AUTS2: variants seen among roughly 807,000 people sequenced by gnomAD.
AUTS2 encodes activator of transcription and developmental regulator AUTS2, also known as autism susceptibility gene 2 protein.
AUTS2 carries 17 observed loss-of-function variants against 112.4 expected under a neutral mutation model. The observed-to-expected ratio is 0.15, with a 90% CI of 0.10 to 0.23. AUTS2 has a LOEUF of 0.23. AUTS2 is among the 10% of genes least tolerant of loss of function. The pLI, the probability that AUTS2 is intolerant of heterozygous loss-of-function variation, is 1.00. For missense variants in AUTS2, 1,510 were observed against 1,701.6 expected, an observed-to-expected ratio of 0.89 and a Z score of 1.98; for synonymous variants, 751 against 702.7, an observed-to-expected ratio of 1.07 and a Z score of -1.09.
chr7:70,402,567 G>A (rs1284359091), intron 4 of AUTS2, among the ~76,000 whole-genome samples: 1 of 152,230 alleles, frequency 6.6e-6, no homozygotes, highest in Non-Finnish European at 1.5e-5. Context: ...TAGTTGGGCA[G>A]GAGACTCAAC....
chr7:70,305,939 T>A (rs1378892264), intron 4 of AUTS2, among the ~76,000 whole-genome samples: 2 of 151,694 alleles, frequency 1.3e-5, no homozygotes, highest in Non-Finnish European at 2.9e-5. Flanking sequence ...AATGAAGGAT[T>A]CAGGAAAGAA....
chr7:69,843,151 A>AGCATTT (rs1792053487), intron 1 of AUTS2, among the ~76,000 whole-genome samples: 2 of 152,176 alleles, frequency 1.3e-5, no homozygotes, highest in African/African-American at 4.8e-5. Context: ...TACCTGAAAG[A>AGCATTT]GAGGTATTCA....
At chr7:69,685,861 C>A (rs916458851) in intron 1 of AUTS2, among the ~76,000 whole-genome samples, 1 of 151,876 alleles carries the variant, frequency 6.6e-6, no homozygotes, top group Non-Finnish European at 1.5e-5. Context: ...TGCCTTTTTA[C>A]TCTGTTGTAG....
chr7:70,038,859 A>G (rs1801124874), intron 2 of AUTS2, among the ~76,000 whole-genome samples: 1 of 152,060 alleles, frequency 6.6e-6, no homozygotes, highest in South Asian at 2.1e-4. Flanking sequence ...CCCGGGTTCA[A>G]ACAATTCTCC....
intron 5 of AUTS2, among the ~76,000 whole-genome samples, chr7:70,575,037 G>A (rs1020733752): frequency 2.0e-5 from 3 of 152,290 alleles, no homozygotes; most frequent in African/African-American, 7.2e-5. Context: ...GGAGTTGCTG[G>A]GTAATCGTTC....
intron 5 of AUTS2, among the ~76,000 whole-genome samples, chr7:70,503,326 A>G (rs759695240): frequency 2.6e-5 from 4 of 151,940 alleles, no homozygotes; most frequent in Non-Finnish European, 4.4e-5. Flanking sequence ...TACAAATTCT[A>G]AGTGTAGCAT....
intron 5 of AUTS2, among the ~76,000 whole-genome samples, chr7:70,584,031 A>G (rs1486978860): frequency 3.9e-5 from 6 of 152,150 alleles, no homozygotes; most frequent in Non-Finnish European, 8.8e-5. Flanking sequence ...ACAATGCTAT[A>G]TTTTTGCCGT....
At chr7:70,542,374 C>T (rs1563028431) in intron 5 of AUTS2, among the ~76,000 whole-genome samples, 1 of 152,210 alleles carries the variant, frequency 6.6e-6, no homozygotes, top group East Asian at 1.9e-4. Flanking sequence ...CTAGTCTAGA[C>T]ATCTTTCCTT....
intron 4 of AUTS2, among the ~76,000 whole-genome samples, chr7:70,392,636 A>T (rs1793914333): frequency 6.6e-6 from 1 of 152,206 alleles, no homozygotes; most frequent in Admixed American, 6.5e-5. Flanking sequence ...AATTCAAAGA[A>T]CATCTGCTGC....
chr7:70,675,104 C>G (rs577627125), intron 5 of AUTS2, among the ~76,000 whole-genome samples: 6 of 150,784 alleles, frequency 4.0e-5, no homozygotes, highest in South Asian at 4.2e-4. Flanking sequence ...CCTCCCCCCC[C>G]TCAACTCCCT....
In AUTS2 at chr7:70,118,245, T is replaced by TA. The variant is rs11418386; in HGVS notation, c.624+34dup. 0.18 allele frequency: 230,195 copies of TA among 1,299,656 alleles called. 6,928 individuals are homozygous for TA. The highest frequency in any genetic ancestry group is 0.3 in the African/African-American group (15,762 of 51,738). 80.5% of individuals were successfully genotyped at this position (1,299,656 alleles called of 1,614,324 possible). A position where few individuals can be genotyped will look rare whatever the true frequency, so the allele number is the denominator to read the frequency against. ...AAAGGCTCAGTGATGTAAGTTTAAG[T>TA]AAAAAAAAAAAAAAAAAAAAAATTA... On this transcript the variant is annotated intron_variant, in intron 3 of 18. Coordinates refer to ENST00000342771, the MANE Select transcript of AUTS2 (RefSeq NM_015570.4).
At chr7:70,099,902 A>G (rs1275804399) in intron 2 of AUTS2, among the ~76,000 whole-genome samples, 2 of 152,200 alleles carry the variant, frequency 1.3e-5, no homozygotes, top group African/African-American at 2.4e-5. Context: ...TTTTACATAT[A>G]TATCCATACC....
At chr7:69,835,707 G>A (rs911192043) in intron 1 of AUTS2, among the ~76,000 whole-genome samples, 7 of 152,182 alleles carry the variant, frequency 4.6e-5, no homozygotes, top group Non-Finnish European at 1.0e-4. Context: ...CTGATTTAGG[G>A]TGAAAGGCAC....
chr7:70,145,012 G>C (rs1807057449), intron 4 of AUTS2, among the ~76,000 whole-genome samples: 1 of 151,964 alleles, frequency 6.6e-6, no homozygotes, highest in South Asian at 2.1e-4. Flanking sequence ...TATTGTTGTT[G>C]CTTTTAGTTC....
At chr7:70,173,347 C>G in intron 4 of AUTS2, among the ~76,000 whole-genome samples, 1 of 146,504 alleles carries the variant, frequency 6.8e-6, no homozygotes, top group African/African-American at 2.5e-5. Context: ...GGCAACAGAG[C>G]GGGACCCCGT....
chr7:69,781,541 C>G (rs1789144534), intron 1 of AUTS2, among the ~76,000 whole-genome samples: 1 of 152,154 alleles, frequency 6.6e-6, no homozygotes, highest in African/African-American at 2.4e-5. Context: ...CTTCTTTGGC[C>G]CTGCCCTCAG....
At chr7:70,369,890 AT>A (rs1303326792) in intron 4 of AUTS2, among the ~76,000 whole-genome samples, 9 of 152,148 alleles carry the variant, frequency 5.9e-5, no homozygotes, top group African/African-American at 2.2e-4. Context: ...CTGCTTGCCC[AT>A]CCCCATTTTG....
chr7:69,972,576 A>G (rs774558044), intron 2 of AUTS2, among the ~76,000 whole-genome samples: 22 of 151,810 alleles, frequency 1.4e-4, no homozygotes, highest in Non-Finnish European at 2.4e-4. Context: ...TAAAAGCTTT[A>G]TATTTCATAT....
intron 4 of AUTS2, among the ~76,000 whole-genome samples, chr7:70,239,838 G>T (rs964839777): frequency 5.9e-5 from 9 of 152,160 alleles, no homozygotes; most frequent in African/African-American, 2.2e-4. Context: ...CCTACTCTCT[G>T]TAAGGCAATG....
Sources: allele counts gnomAD v4.1 joint callset (sites outside exome capture counted in the v4.1 genomes callset), GRCh38; gene constraint gnomAD v4.1.1; transcripts MANE v1.5; gene names NCBI Gene and HGNC (gene_info 2026-07-23, HGNC 2026-07-21).